RAB27A: variants seen among roughly 807,000 people sequenced by gnomAD.
RAB27A encodes the protein ras-related protein Rab-27A.
A neutral mutation model predicts 20.8 loss-of-function variants in RAB27A; 17 were observed. The ratio of observed to expected loss-of-function variants is 0.82; its 90% confidence interval spans 0.56 to 1.23. The LOEUF is 1.23. RAB27A is among the 50% of genes most tolerant of loss of function. The pLI is 0.00. For synonymous variants in RAB27A, 85 were observed against 92.8 expected (o/e 0.92, Z 0.48); for missense variants, 277 against 266.7 (o/e 1.04, Z -0.27).
intron 2 of RAB27A, among the ~76,000 whole-genome samples, chr15:55,304,482 G>GA (rs71437808): frequency 0.47 from 69,269 of 148,798 alleles, 18,250 homozygotes; most frequent in East Asian, 0.74. Context: ...TTAAAAAAAA[G>GA]AAAAAAAAAA....
At chr15:55,304,836 T>C (rs2054990534) in intron 2 of RAB27A, among the ~76,000 whole-genome samples, 1 of 151,702 alleles carries the variant, frequency 6.6e-6, no homozygotes, top group Non-Finnish European at 1.5e-5. Context: ...TGTGAACATA[T>C]ATATATATAT....
chr15:55,239,849 T>C (rs914862297), intron 2 of RAB27A, among the ~76,000 whole-genome samples: 1 of 152,122 alleles, frequency 6.6e-6, no homozygotes, highest in Non-Finnish European at 1.5e-5. Context: ...AAATAACAGA[T>C]CTTTCAAGGT....
In RAB27A at chr15:55,223,942, C is replaced by T. The variant is rs1895693268; in HGVS notation, c.414G>A (p.Glu138=). 1 of 1,613,450 alleles carries T rather than the reference C, an allele frequency of 6.2e-7. No homozygotes were observed. Among genetic ancestry groups the T allele is most frequent in the Non-Finnish European group, 8.5e-7 (1 of 1,179,478 alleles). Residue 138 remains glutamate (E), a synonymous_variant, in exon 6 of 7, where the codon GAG becomes GAA. Transcript: ENST00000336787. Reference sequence around the variant, plus strand: ...CCTCCTCTTTCACTACTCTCTGGTCCTCCAGATCACTCTTGTTTCCACACA... The same window carrying T: ...CCTCCTCTTTCACTACTCTCTGGTCTTCCAGATCACTCTTGTTTCCACACA... ...IVLCGNKSDL[E]DQRVVKEEEA...
Position 55,205,069 on chromosome 15 carries a change from C to T in RAB27A, c.*438G>A. 4.8e-6 allele frequency: 1 copy of T among 208,876 alleles called. No individual in the cohort carries two copies. The highest frequency in any genetic ancestry group is 1.3e-4 in the East Asian group (1 of 7,682). 12.9% of individuals were successfully genotyped at this position (208,876 alleles called of 1,614,324 possible). On this transcript the variant is annotated 3_prime_UTR_variant, in exon 7 of 7. Transcript: ENST00000336787. ...CTTTAATGGTATTTTAGAATGTCACCTATGGCATGAGTCTTCAAATCTGGA... is the reference window on the plus strand; with the variant it reads ...CTTTAATGGTATTTTAGAATGTCACTTATGGCATGAGTCTTCAAATCTGGA...
chr15:55,258,971 C>T lies in RAB27A; in HGVS notation c.-23+11194G>A, dbSNP rs1488354370. On this transcript the variant is annotated intron_variant, in intron 2 of 6. Coordinates refer to ENST00000336787, the MANE Select transcript of RAB27A (RefSeq NM_183235.3). ...TCCCAAGTAGCTGGGGCTACAAGCA[C>T]GCACCACCATACCTGGCTAATTTTT... 4.6e-5 allele frequency among the ~76,000 whole-genome samples: 7 copies of T among 152,042 alleles called. No homozygotes were observed. In the South Asian group the frequency reaches 8.3e-4, roughly 18 times the overall value.
At chr15:55,282,845 G>A (rs1161622406) in intron 1 of RAB27A, among the ~76,000 whole-genome samples, 5 of 152,080 alleles carry the variant, frequency 3.3e-5, no homozygotes, top group East Asian at 1.9e-4. Context: ...ACCCCATTTC[G>A]CATGATCCCT....
Position 55,246,582 on chromosome 15 carries a change from T to C in RAB27A, c.-22-11626A>G, listed in dbSNP as rs184202244. On this transcript the variant is annotated intron_variant, in intron 2 of 6. Transcript: ENST00000336787. ...TATAGTACTTATAGTTTGTGACAAGTACCCCTTGCTCCATAGATATAGGGT... is the reference window on the plus strand; with the variant it reads ...TATAGTACTTATAGTTTGTGACAAGCACCCCTTGCTCCATAGATATAGGGT... Among the ~76,000 whole-genome samples the C allele has an allele frequency of 2.3e-3, 348 of 151,296 alleles. 3 individuals are homozygous for C. Among genetic ancestry groups the C allele is most frequent in the African/African-American group, 8.1e-3 (332 of 41,192 alleles).
chr15:55,305,947 C>T (rs778367437), intron 2 of RAB27A, among the ~76,000 whole-genome samples: 3 of 152,138 alleles, frequency 2.0e-5, no homozygotes, highest in Non-Finnish European at 4.4e-5. Flanking sequence ...TCTTTTGTTG[C>T]AGGGGTTAGG....
chr15:55,227,411 C>T (rs1895853658), intron 5 of RAB27A, among the ~76,000 whole-genome samples: 1 of 152,150 alleles, frequency 6.6e-6, no homozygotes, highest in Admixed American at 6.5e-5. Context: ...CCATAAACAG[C>T]CACTGTCATT....
chr15:55,224,750 C>T (rs1420113399), intron 5 of RAB27A, among the ~76,000 whole-genome samples: 4 of 152,250 alleles, frequency 2.6e-5, no homozygotes, highest in Admixed American at 6.5e-5. Flanking sequence ...AATAACACCT[C>T]ATTTCTTACC....
chr15:55,303,184 G>A (rs1323972321), intron 2 of RAB27A, among the ~76,000 whole-genome samples: 4 of 101,052 alleles, frequency 4.0e-5, no homozygotes, highest in South Asian at 3.7e-4. Context: ...GGTGAGGGGC[G>A]CCTCTGCCCG....
intron 2 of RAB27A, among the ~76,000 whole-genome samples, chr15:55,264,159 T>A (rs1361862307): frequency 6.6e-6 from 1 of 152,206 alleles, no homozygotes; most frequent in Admixed American, 6.5e-5. Flanking sequence ...CAGGTGATTC[T>A]CATGCCTCAG....
intron 6 of RAB27A, among the ~76,000 whole-genome samples, chr15:55,222,241 G>C (rs1351067534): frequency 6.6e-6 from 1 of 152,190 alleles, no homozygotes; most frequent in Non-Finnish European, 1.5e-5. Flanking sequence ...CTGCCCTAGG[G>C]TAAAAACCTC....
intron 2 of RAB27A, among the ~76,000 whole-genome samples, chr15:55,301,373 G>A (rs2054971046): frequency 6.6e-6 from 1 of 152,074 alleles, no homozygotes; most frequent in Non-Finnish European, 1.5e-5. Context: ...AAAAAACACT[G>A]GTCTGCCTTA....
chr15:55,212,937 A>G (rs1895099794), intron 6 of RAB27A, among the ~76,000 whole-genome samples: 1 of 152,248 alleles, frequency 6.6e-6, no homozygotes, highest in African/African-American at 2.4e-5. Flanking sequence ...GCTGTTTTTC[A>G]CATAATCTTG....
At position 55,204,069 on chromosome 15, in the gene RAB27A, A is replaced by T. The variant is rs1277518069; in HGVS notation, c.*1438T>A. On this transcript the variant is annotated 3_prime_UTR_variant, in exon 7 of 7. Coordinates refer to ENST00000336787, the MANE Select transcript of RAB27A (RefSeq NM_183235.3). ...TTTTCTAATTACAGTTCTACCAAAC[A>T]TTTGCCACCACAAAATACAAGTATT... is the stretch of plus-strand genomic sequence containing the variant. 3.9e-5 allele frequency: 6 copies of T among 152,162 alleles called. No homozygotes were observed. The highest frequency in any genetic ancestry group is 1.4e-4 in the African/African-American group (6 of 41,442). The allele number at this position is 152,162 out of a possible 1,614,324, so 9.4% of individuals were successfully genotyped here. A position where few individuals can be genotyped will look rare whatever the true frequency, so the allele number is the denominator to read the frequency against.
exon 1 of RAB27A, chr15:55,319,110 C>T: frequency 1.0e-6 from 1 of 990,046 alleles, no homozygotes. Flanking sequence ...GCCACCACGT[C>T]GGGTGGGAGC....
chr15:55,211,040 T>C (rs1025920654), intron 6 of RAB27A, among the ~76,000 whole-genome samples: 1 of 152,204 alleles, frequency 6.6e-6, no homozygotes, highest in Non-Finnish European at 1.5e-5. Flanking sequence ...CCTCTGTTCT[T>C]GGTACTTTTG....
chr15:55,268,496 T>C (rs1386875445), intron 2 of RAB27A, among the ~76,000 whole-genome samples: 5 of 152,186 alleles, frequency 3.3e-5, no homozygotes, highest in African/African-American at 1.2e-4. Context: ...CGGGAACCCT[T>C]CCAGGTGTCT....
Sources: gnomAD v4.1 joint callset for allele counts (sites outside exome capture counted in the v4.1 genomes callset) on GRCh38, gnomAD v4.1.1 for gene constraint, MANE v1.5 for transcripts, NCBI Gene and HGNC (gene_info 2026-07-23, HGNC 2026-07-21) for gene names.